Variants in MBNL2 observed in about 807,000 individuals in gnomAD.
The protein encoded by MBNL2 is muscleblind-like protein 2.
Under a neutral mutation model 41.9 loss-of-function variants are expected in MBNL2, and 17 were observed. The observed-to-expected ratio is 0.41, with a 90% CI of 0.28 to 0.61. The LOEUF is 0.61. Ranked by LOEUF, MBNL2 falls within the 20% of genes least tolerant of loss-of-function variation. MBNL2 has a pLI of 0.35. For synonymous variants in MBNL2, 195 were observed against 182.9 expected, an observed-to-expected ratio of 1.07 and a Z score of -0.53; for missense variants, 336 against 505.6, an observed-to-expected ratio of 0.66 and a Z score of 3.22.
At chr13:97,312,145 A>C (rs1423319643) in intron 2 of MBNL2, among the ~76,000 whole-genome samples, 2 of 152,212 alleles carry the variant, frequency 1.3e-5, no homozygotes, top group African/African-American at 4.8e-5. Flanking sequence ...CATATAAGAA[A>C]AGTATAGCTG....
chr13:97,347,095 AC>A (rs748191508), intron 5 of MBNL2, 28 bp downstream of exon 5: 40 of 1,494,418 alleles, frequency 2.7e-5, no homozygotes, highest in Non-Finnish European at 3.4e-5. Context: ...CCGCCCCTGC[AC>A]CCCGGCGCCT....
chr13:97,225,865 A>C (rs150728586), intron 1 of MBNL2, among the ~76,000 whole-genome samples: 1 of 152,222 alleles, frequency 6.6e-6, no homozygotes, highest in Non-Finnish European at 1.5e-5. Flanking sequence ...GGTCGACTCA[A>C]CTGGATGAGC....
At chr13:97,183,446 G>A in the MBNL2 span, among the ~76,000 whole-genome samples, 1 of 152,138 alleles carries the variant, frequency 6.6e-6, no homozygotes, top group East Asian at 1.9e-4. Context: ...TACAGGTTTG[G>A]CAAACACCTT....
rs1274771790 is a variant in MBNL2, at chr13:97,222,449, C to A, written c.-687C>A. ...ACATGGAAGTTTCTTTCTCATGATG[C>A]GGTGGAGAAGCCTCGGCCACTTGGT... is the stretch of plus-strand genomic sequence containing the variant. On this transcript the variant is annotated 5_prime_UTR_variant, in exon 1 of 9. Coordinates refer to ENST00000679496, the MANE Select transcript of MBNL2 (RefSeq NM_001382683.1). The A allele has an allele frequency of 2.5e-6, 1 of 398,616 alleles. No homozygotes were observed. 24.7% of individuals were successfully genotyped at this position (398,616 alleles called of 1,614,324 possible).
At position 97,276,358 on chromosome 13, in the gene MBNL2, A is replaced by G; in HGVS notation, c.123A>G (p.Lys41=). The G allele has an allele frequency of 6.2e-7, 1 of 1,614,012 alleles. No homozygotes were observed. The highest frequency in any genetic ancestry group is 8.5e-7 in the Non-Finnish European group (1 of 1,179,940). Residue 41 remains lysine, a synonymous_variant, in exon 2 of 9, where the codon AAA becomes AAG. Transcript: ENST00000679496. Reference sequence around the variant, plus strand: ...AATGCAAATTTGCTCATCCCCCCAAAAGTTGTCAGGTTGAAAATGGAAGAG... The same window carrying G: ...AATGCAAATTTGCTCATCCCCCCAAGAGTTGTCAGGTTGAAAATGGAAGAG... The part of the protein sequence containing the change: ...DEECKFAHPP[K]SCQVENGRVI...
At chr13:97,316,288 C>T (rs1488233642) in intron 2 of MBNL2, among the ~76,000 whole-genome samples, 1 of 152,186 alleles carries the variant, frequency 6.6e-6, no homozygotes, top group Non-Finnish European at 1.5e-5. Context: ...TGGTCTGAGC[C>T]ACCGTCTTCT....
At chr13:97,326,145 G>A (rs2059896260) in intron 2 of MBNL2, among the ~76,000 whole-genome samples, 1 of 152,202 alleles carries the variant, frequency 6.6e-6, no homozygotes, top group Non-Finnish European at 1.5e-5. Flanking sequence ...ATTTGTATGG[G>A]TTTTTGGAAA....
the MBNL2 span, among the ~76,000 whole-genome samples, chr13:97,160,132 T>TAA: frequency 6.6e-6 from 1 of 152,194 alleles, no homozygotes; most frequent in Non-Finnish European, 1.5e-5. Flanking sequence ...TTCTTATGTT[T>TAA]AAAAAACACT....
intron 2 of MBNL2, among the ~76,000 whole-genome samples, chr13:97,298,337 A>G (rs919241095): frequency 6.6e-6 from 1 of 152,164 alleles, no homozygotes; most frequent in Non-Finnish European, 1.5e-5. Context: ...AAATCTGTCT[A>G]TTTGCTTGGT....
chr13:97,251,879 C>T (rs7329395), intron 1 of MBNL2, among the ~76,000 whole-genome samples: 8,719 of 126,846 alleles, frequency 0.069, 807 homozygotes, highest in African/African-American at 0.22. Context: ...AGTCTCGCTC[C>T]GTCGCCCAGG....
chr13:97,166,851 G>GATAGATAGAAAGAAAGAAAGAAAGAA, the MBNL2 span, among the ~76,000 whole-genome samples: 1 of 151,956 alleles, frequency 6.6e-6, no homozygotes, highest in Admixed American at 6.6e-5. Context: ...AAGATAGATA[G>GATAGATAGAAAGAAAGAAAGAAAGAA]AGATATATAT....
intron 2 of MBNL2, among the ~76,000 whole-genome samples, chr13:97,324,633 G>A (rs1001356328): frequency 1.6e-4 from 25 of 152,086 alleles, no homozygotes; most frequent in Admixed American, 5.2e-4. Flanking sequence ...CGACTCACAC[G>A]ATCACAAGGT....
chr13:97,239,036 C>G (rs559240950), intron 1 of MBNL2, among the ~76,000 whole-genome samples: 5 of 152,326 alleles, frequency 3.3e-5, no homozygotes, highest in African/African-American at 1.2e-4. Context: ...CTCAAAATAA[C>G]CGTTTCGGAG....
chr13:97,231,446 C>T (rs2042367753), intron 1 of MBNL2, among the ~76,000 whole-genome samples: 1 of 152,230 alleles, frequency 6.6e-6, no homozygotes, highest in South Asian at 2.1e-4. Context: ...ATGTGAGTGG[C>T]AGCAGATCAC....
rs1429971812 is a variant in MBNL2 at position 97,288,022 on chromosome 13, C to T, written c.174+11613C>T. On this transcript the variant is annotated intron_variant, in intron 2 of 8. Transcript: ENST00000679496. The stretch of plus-strand genomic sequence containing the variant: ...CTCCTGACCTCAAACAATCCACCTG[C>T]TTCGGCCTCCCAAAGTGCTGGGATT... 5.3e-5 allele frequency among the ~76,000 whole-genome samples: 8 copies of T among 150,456 alleles called. 1 individual carries two copies. Among genetic ancestry groups the T allele is most frequent in the African/African-American group, 2.0e-4 (8 of 40,900 alleles).
the MBNL2 span, among the ~76,000 whole-genome samples, chr13:97,187,734 C>A: frequency 6.6e-6 from 1 of 151,582 alleles, no homozygotes; most frequent in Non-Finnish European, 1.5e-5. Flanking sequence ...ACTGAAACCC[C>A]GTCTCTACTA....
chr13:97,351,852 C>T (rs867229859), intron 5 of MBNL2, among the ~76,000 whole-genome samples: 19 of 151,820 alleles, frequency 1.3e-4, no homozygotes, highest in African/African-American at 4.4e-4. Context: ...GGTGAAACCC[C>T]GTCTCTACTA....
At chr13:97,214,054 T>C in the MBNL2 span, among the ~76,000 whole-genome samples, 2 of 152,210 alleles carry the variant, frequency 1.3e-5, no homozygotes, top group Admixed American at 6.5e-5. Flanking sequence ...CACCCACTTC[T>C]GAACCGTTGA....
the MBNL2 span, chr13:97,172,605 A>C: frequency 5.3e-5 from 8 of 152,212 alleles, no homozygotes; most frequent in African/African-American, 1.9e-4. Context: ...TGAAGACAGC[A>C]TGGTTAAATG....
Sources: allele counts gnomAD v4.1 joint callset (sites outside exome capture counted in the v4.1 genomes callset), GRCh38; gene constraint gnomAD v4.1.1; transcripts MANE v1.5; gene names NCBI Gene and HGNC (gene_info 2026-07-23, HGNC 2026-07-21).